GRID2: variants seen among roughly 807,000 people sequenced by gnomAD.
The protein encoded by GRID2 is glutamate receptor ionotropic, delta-2.
A neutral mutation model predicts 114.8 loss-of-function variants in GRID2; 33 were observed. The ratio of observed to expected loss-of-function variants is 0.29; its 90% CI spans 0.22 to 0.38. The LOEUF (loss-of-function observed/expected upper bound fraction) is 0.38. GRID2 is among the 10% of genes least tolerant of loss of function. The pLI, the probability that GRID2 is intolerant of heterozygous loss-of-function variation, is 1.00. For missense variants in GRID2, 1,184 were observed against 1,257.7 expected, an observed-to-expected ratio of 0.94 and a Z score of 0.89; for synonymous variants, 505 against 449.9, an observed-to-expected ratio of 1.12 and a Z score of -1.55.
chr4:92,894,131 A>G (rs930504009), intron 2 of GRID2, among the ~76,000 whole-genome samples: 10 of 152,200 alleles, frequency 6.6e-5, no homozygotes, highest in African/African-American at 2.4e-4. Flanking sequence ...TAACAAAAAC[A>G]TACATTATAT....
At chr4:93,323,770 A>G (rs898199939) in intron 8 of GRID2, among the ~76,000 whole-genome samples, 1 of 151,952 alleles carries the variant, frequency 6.6e-6, no homozygotes, top group Non-Finnish European at 1.5e-5. Context: ...CACAACCCTT[A>G]TAAGTTGGAT....
intron 2 of GRID2, among the ~76,000 whole-genome samples, chr4:92,954,938 G>C (rs1257383503): frequency 1.2e-3 from 154 of 128,194 alleles, no homozygotes; most frequent in Middle Eastern, 3.9e-3. Flanking sequence ...CTACAAAGGA[G>C]ATGAACTCAT....
In GRID2 at chr4:92,614,929, T is replaced by C. The variant is rs556912163; in HGVS notation, c.244+24643T>C. Among the ~76,000 whole-genome samples the C allele has an allele frequency of 1.2e-4, 18 of 151,158 alleles. 1 individual carries two copies. The South Asian group carries it at 2.5e-3, about 21-fold the overall frequency. The stretch of plus-strand genomic sequence containing the variant: ...ATATTTTACTGATGAATTTAGTCTT[T>C]TATACTTTGCTATGTTTTTTTTTTT... On this transcript the variant is annotated intron_variant, in intron 2 of 15. Coordinates refer to ENST00000282020, the MANE Select transcript of GRID2 (RefSeq NM_001510.4).
chr4:93,379,837 T>A (rs1763692613), intron 8 of GRID2, among the ~76,000 whole-genome samples: 1 of 152,096 alleles, frequency 6.6e-6, no homozygotes. Context: ...ACTTTCTCTA[T>A]TCTAATTTGA....
At chr4:93,591,707 G>T (rs949145728) in intron 13 of GRID2, among the ~76,000 whole-genome samples, 1 of 151,972 alleles carries the variant, frequency 6.6e-6, no homozygotes, top group African/African-American at 2.4e-5. Context: ...TGGTTGGTAA[G>T]GTATTGATTA....
chr4:92,955,798 G>T (rs994843776), intron 2 of GRID2, among the ~76,000 whole-genome samples: 2 of 152,196 alleles, frequency 1.3e-5, no homozygotes, highest in African/African-American at 2.4e-5. Context: ...TTTGTATAAG[G>T]TGTAAGGAAG....
intron 14 of GRID2, among the ~76,000 whole-genome samples, chr4:93,698,127 TCAAA>T (rs1485888626): frequency 6.6e-6 from 1 of 151,944 alleles, no homozygotes; most frequent in African/African-American, 2.4e-5. Flanking sequence ...TTCAACTCTG[TCAAA>T]CACTTTTATA....
chr4:92,956,691 G>A (rs1016683439), intron 2 of GRID2, among the ~76,000 whole-genome samples: 4 of 152,096 alleles, frequency 2.6e-5, no homozygotes, highest in African/African-American at 9.7e-5. Flanking sequence ...AGTATGGCTG[G>A]ATCCTACGGT....
At chr4:92,345,427 C>T (rs1158148140) in intron 1 of GRID2, among the ~76,000 whole-genome samples, 1 of 152,176 alleles carries the variant, frequency 6.6e-6, no homozygotes, top group Non-Finnish European at 1.5e-5. Flanking sequence ...GTGTGTGCAT[C>T]TGTCTTTTTC....
intron 1 of GRID2, among the ~76,000 whole-genome samples, chr4:92,408,220 T>C (rs1308554573): frequency 1.3e-5 from 2 of 152,028 alleles, no homozygotes; most frequent in East Asian, 3.9e-4. Flanking sequence ...CCATTGCTTA[T>C]TTTTATTGAT....
chr4:93,384,106 G>A (rs572130849), intron 8 of GRID2, among the ~76,000 whole-genome samples: 1 of 152,234 alleles, frequency 6.6e-6, no homozygotes, highest in East Asian at 1.9e-4. Context: ...GGCACATCTT[G>A]CAGAAGGGGT....
At chr4:93,393,986 A>C (rs1323853692) in intron 8 of GRID2, among the ~76,000 whole-genome samples, 1 of 152,020 alleles carries the variant, frequency 6.6e-6, no homozygotes, top group African/African-American at 2.4e-5. Flanking sequence ...ATGTGGAGAA[A>C]GCACATTGGA....
intron 4 of GRID2, among the ~76,000 whole-genome samples, chr4:93,170,711 G>T (rs1271670997): frequency 6.6e-6 from 1 of 152,134 alleles, no homozygotes; most frequent in Non-Finnish European, 1.5e-5. Context: ...TTGGGTAACT[G>T]TTTCCAGCAT....
At chr4:92,586,943 A>G (rs558108936) in intron 1 of GRID2, among the ~76,000 whole-genome samples, 1 of 152,122 alleles carries the variant, frequency 6.6e-6, no homozygotes, top group South Asian at 2.1e-4. Flanking sequence ...TTCTCCCCCC[A>G]TAAAAGGAAC....
In GRID2 at chr4:92,304,344, C is replaced by CCT; in HGVS notation, c.-309_-308dup. The CCT allele has an allele frequency of 2.6e-6, 1 of 381,582 alleles. No individual in the cohort carries two copies. Among genetic ancestry groups the CCT allele is most frequent in the South Asian group, 2.4e-5 (1 of 42,016 alleles). The allele number at this position is 381,582 out of a possible 1,614,324, so 23.6% of individuals were successfully genotyped here. A position where few individuals can be genotyped will look rare whatever the true frequency, so the allele number is the denominator to read the frequency against. On this transcript the variant is annotated 5_prime_UTR_variant, in exon 1 of 16. Transcript: ENST00000282020. ...GCGATGGGTCTGATCTGAGCCCCAG[C>CCT]CTCTCCCCCTGCCCAAGAGCAGTAG...
intron 1 of GRID2, among the ~76,000 whole-genome samples, chr4:92,505,885 A>T (rs1723941004): frequency 6.6e-6 from 1 of 151,964 alleles, no homozygotes; most frequent in Non-Finnish European, 1.5e-5. Context: ...TTCTACCACC[A>T]TTTCCTGAAA....
chr4:92,745,302 A>G (rs763043857), intron 2 of GRID2, among the ~76,000 whole-genome samples: 1 of 152,254 alleles, frequency 6.6e-6, no homozygotes, highest in Non-Finnish European at 1.5e-5. Flanking sequence ...TTTAAAAAAC[A>G]TAATATGCTC....
chr4:93,217,746 C>G (rs1201560140), intron 6 of GRID2, among the ~76,000 whole-genome samples: 1 of 152,014 alleles, frequency 6.6e-6, no homozygotes, highest in South Asian at 2.1e-4. Context: ...AAAAACAAAT[C>G]TGTGCCATAA....
At chr4:92,436,373 T>A (rs1732735052) in intron 1 of GRID2, among the ~76,000 whole-genome samples, 1 of 152,136 alleles carries the variant, frequency 6.6e-6, no homozygotes, top group African/African-American at 2.4e-5. Flanking sequence ...ATAAAAAAAG[T>A]CTTGACATTT....
Sources: allele counts gnomAD v4.1 joint callset (sites outside exome capture counted in the v4.1 genomes callset), GRCh38; gene constraint gnomAD v4.1.1; transcripts MANE v1.5; gene names NCBI Gene and HGNC (gene_info 2026-07-23, HGNC 2026-07-21).